The following ZGRF1 variants were observed in gnomAD, a reference collection of about 807,000 sequenced individuals.
The protein encoded by ZGRF1 is zinc finger GRF-type containing 1.
Under a neutral mutation model 203.5 loss-of-function variants are expected in ZGRF1, and 196 were observed. The ratio of observed to expected loss-of-function variants is 0.96; its 90% confidence interval spans 0.86 to 1.08. ZGRF1 has a LOEUF of 1.08. Among genes scored for constraint, ZGRF1 ranks in the 50% least tolerant of loss-of-function variants. The probability of loss-of-function intolerance (pLI) is 0.00; values close to 1 mark genes in which losing one functional copy is unlikely to be tolerated. For synonymous variants in ZGRF1, 809 were observed against 841.3 expected (o/e 0.96, Z 0.66); for missense variants, 2,326 against 2,416.3 (o/e 0.96, Z 0.78).
chr4:112,560,918 G>A lies in ZGRF1; in HGVS notation c.4775C>T (p.Thr1592Ile), dbSNP rs778930490. ...FIPPAFTNVS[T>I]KFELLSLGAT... The stretch of plus-strand genomic sequence containing the variant: ...TCCTAGGCTGAGTAGTTCAAATTTT[G>A]TACTGACATTTGTGAAGGCTGGTGG... Residue 1592 changes from threonine to isoleucine, a missense_variant, in exon 19 of 28, where the codon ACA becomes ATA. Coordinates refer to ENST00000505019, the MANE Select transcript of ZGRF1 (RefSeq NM_018392.5). 8.1e-6 allele frequency: 13 copies of A among 1,613,050 alleles called. No individual in the cohort carries two copies. Among genetic ancestry groups the A allele is most frequent in the Non-Finnish European group, 1.1e-5 (13 of 1,179,300 alleles).
At chr4:112,585,822 A>C in intron 13 of ZGRF1, 97 bp from the exon 14 acceptor site, 1 of 755,216 alleles carries the variant, frequency 1.3e-6, no homozygotes, top group Admixed American at 3.7e-5. Context: ...AATAGCCTTT[A>C]AACAGAGTCA....
chr4:112,596,144 C>T (rs1748970921), intron 10 of ZGRF1, among the ~76,000 whole-genome samples: 1 of 152,156 alleles, frequency 6.6e-6, no homozygotes, highest in Non-Finnish European at 1.5e-5. Context: ...AAATTTTGTT[C>T]TCCTCTCAAA....
rs757706637 is a variant in ZGRF1, at chr4:112,539,894, T to C, written c.6141A>G (p.Gln2047=). 4.3e-5 allele frequency: 69 copies of C among 1,613,764 alleles called. No individual in the cohort carries two copies. Among genetic ancestry groups the C allele is most frequent in the South Asian group, 6.6e-5 (6 of 91,078 alleles). The part of the protein sequence containing the change: ...VGNLACLRKN[Q]LWGRVIQHCE... The stretch of plus-strand genomic sequence containing the variant: ...AGTGTTGGATCACTCGTCCCCAAAG[T>C]TGATTTTTCCTCAAACAGGCTAAAT... The change falls in exon 27 of 28, where the codon CAA becomes CAG. Residue 2047 remains glutamine (Q), a synonymous_variant. Transcript: ENST00000505019.
intron 6 of ZGRF1, among the ~76,000 whole-genome samples, chr4:112,614,688 G>A (rs2046805833): frequency 6.6e-6 from 1 of 152,148 alleles, no homozygotes; most frequent in Non-Finnish European, 1.5e-5. Flanking sequence ...TTAGTTGGGT[G>A]TGGTGGCACA....
At chr4:112,601,073 A>C (rs1270589977) in intron 10 of ZGRF1, among the ~76,000 whole-genome samples, 1 of 151,040 alleles carries the variant, frequency 6.6e-6, no homozygotes, top group Non-Finnish European at 1.5e-5. Flanking sequence ...ACTGCACTCC[A>C]GCCTGGGCAA....
Position 112,618,699 on chromosome 4 carries a change from C to T in ZGRF1, c.1343G>A (p.Cys448Tyr), listed in dbSNP as rs756378844. 12 of 1,611,202 alleles carry T rather than the reference C, an allele frequency of 7.4e-6. No homozygotes were observed. The highest frequency in any genetic ancestry group is 1.0e-5 in the Non-Finnish European group (12 of 1,179,034). ...KIPFNQNDKG[C>Y]IKGSVLIKEN... Reference sequence around the variant, plus strand: ...TTTAATGAGAACTGATCCTTTAATGCACCCCTTGTCATTTTGATTAAAAGG... The same window carrying T: ...TTTAATGAGAACTGATCCTTTAATGTACCCCTTGTCATTTTGATTAAAAGG... The change falls in exon 6 of 28, where the codon TGC becomes TAC. Residue 448 changes from cysteine (C) to tyrosine (Y), a missense_variant. Physicochemically the swap from Cys to Tyr is radical, Grantham distance 194 (BLOSUM62 -2). Transcript: ENST00000505019.
At chr4:112,551,353 G>T (rs951177962) in intron 22 of ZGRF1, among the ~76,000 whole-genome samples, 2 of 152,164 alleles carry the variant, frequency 1.3e-5, no homozygotes, top group African/African-American at 2.4e-5. Flanking sequence ...ATATATGACT[G>T]TACTTATTCT....
chr4:112,574,829 C>T (rs190055674), intron 16 of ZGRF1, among the ~76,000 whole-genome samples: 1 of 152,026 alleles, frequency 6.6e-6, no homozygotes, highest in African/African-American at 2.4e-5. Flanking sequence ...AGTTCAAGAC[C>T]AGGCTGGCCA....
chr4:112,598,358 A>C (rs1749385387), intron 10 of ZGRF1, among the ~76,000 whole-genome samples: 1 of 152,232 alleles, frequency 6.6e-6, no homozygotes, highest in South Asian at 2.1e-4. Flanking sequence ...GACAATTATA[A>C]ACCGGAAAAA....
chr4:112,554,047 T>C, intron 21 of ZGRF1, 65 bp from the exon 22 acceptor site: 1 of 1,412,152 alleles, frequency 7.1e-7, no homozygotes, highest in African/African-American at 1.4e-5. Flanking sequence ...TAAAGCAAAA[T>C]ATAGATTTTC....
rs17669218 is a variant in ZGRF1, at chr4:112,603,567, G to A, written c.2933C>T (p.Thr978Ile). The change falls in exon 10 of 28, where the codon ACA becomes ATA. Residue 978 changes from threonine to isoleucine, a missense_variant. Transcript: ENST00000505019. ...STEYENFMTETPELPSTCMQI... is the reference protein window; with the variant it reads ...STEYENFMTEIPELPSTCMQI... ...CATACACGTGCTAGGTAACTCTGGTGTCTCTGTCATAAAGTTTTCATACTC... is the reference window on the plus strand; with the variant it reads ...CATACACGTGCTAGGTAACTCTGGTATCTCTGTCATAAAGTTTTCATACTC... 134,843 of 1,612,646 alleles carry A rather than the reference G, an allele frequency of 0.084. 6,514 individuals carry two copies. Among genetic ancestry groups the A allele is most frequent in the Non-Finnish European group, 0.095 (112,396 of 1,178,776 alleles).
chr4:112,541,300 T>G (rs752608780), intron 24 of ZGRF1, 32 bp from the exon 25 acceptor site: 6 of 1,354,744 alleles, frequency 4.4e-6, no homozygotes, highest in Non-Finnish European at 6.0e-6. Context: ...AAATAAAACA[T>G]AATTTTTTTG....
At position 112,634,300 on chromosome 4, in the gene ZGRF1, C is replaced by T. The variant is rs535740843; in HGVS notation, c.-66-1058G>A. Among the ~76,000 whole-genome samples the T allele has an allele frequency of 7.2e-5, 11 of 152,182 alleles. No individual in the cohort carries two copies. The South Asian group carries it at 2.1e-3, about 29-fold the overall frequency. On this transcript the variant is annotated intron_variant, in intron 1 of 27. Coordinates refer to ENST00000505019, the MANE Select transcript of ZGRF1 (RefSeq NM_018392.5). ...TGGTGTGGATCATCAAACAAGGCTTCTTCAAGGAAGTAAAGTCTAAGCTGT... is the reference window on the plus strand; with the variant it reads ...TGGTGTGGATCATCAAACAAGGCTTTTTCAAGGAAGTAAAGTCTAAGCTGT...
intron 24 of ZGRF1, among the ~76,000 whole-genome samples, 174 bp from the exon 25 acceptor site, chr4:112,541,442 C>A (rs1335688638): frequency 6.7e-6 from 1 of 150,326 alleles, no homozygotes; most frequent in Non-Finnish European, 1.5e-5. Context: ...AAAATATGTT[C>A]ATATTAATTT....
chr4:112,616,046 T>A (rs1165067801), intron 6 of ZGRF1, among the ~76,000 whole-genome samples: 1 of 152,200 alleles, frequency 6.6e-6, no homozygotes, highest in African/African-American at 2.4e-5. Context: ...TTCTCAGGAA[T>A]CACATGAGAT....
intron 16 of ZGRF1, among the ~76,000 whole-genome samples, chr4:112,569,976 TGAA>T (rs1007551249): frequency 2.0e-5 from 3 of 152,136 alleles, no homozygotes; most frequent in Non-Finnish European, 4.4e-5. Flanking sequence ...AAGTTTACCC[TGAA>T]GTTAATAATT....
chr4:112,598,831 G>A (rs952933183), intron 10 of ZGRF1, among the ~76,000 whole-genome samples: 9 of 151,890 alleles, frequency 5.9e-5, no homozygotes, highest in Non-Finnish European at 1.0e-4. Flanking sequence ...CAGGTGTATC[G>A]GTTGAGCCCA....
intron 1 of ZGRF1, 47 bp from the exon 2 acceptor site, chr4:112,633,289 T>A (rs1381435020): frequency 2.3e-6 from 2 of 857,200 alleles, no homozygotes; most frequent in African/African-American, 3.5e-5. Context: ...TTTTAAAAAA[T>A]ATCAAATATA....
At chr4:112,629,783 C>T (rs1270930816) in intron 3 of ZGRF1, 1 of 153,734 alleles carries the variant, frequency 6.5e-6, no homozygotes, top group Non-Finnish European at 1.5e-5. Flanking sequence ...CTTTAGGAGG[C>T]TGAGGTGGGT....
Sources: allele counts gnomAD v4.1 joint callset (sites outside exome capture counted in the v4.1 genomes callset), GRCh38; gene constraint gnomAD v4.1.1; transcripts MANE v1.5; gene names NCBI Gene and HGNC (gene_info 2026-07-23, HGNC 2026-07-21).